ASIC2: variants seen among roughly 807,000 people sequenced by gnomAD.
The protein encoded by ASIC2 is acid-sensing ion channel 2.
ASIC2 carries 25 observed loss-of-function variants against 57.3 expected under a neutral mutation model. The ratio of observed to expected loss-of-function variants is 0.44; its 90% confidence interval spans 0.32 to 0.61. ASIC2 has a LOEUF of 0.61. Among genes scored for constraint, ASIC2 ranks in the 20% least tolerant of loss-of-function variants. The pLI, the probability that ASIC2 is intolerant of heterozygous loss-of-function variation, is 0.06. For synonymous variants in ASIC2, 319 were observed against 307.5 expected (o/e 1.04, Z -0.39); for missense variants, 641 against 738.1 (o/e 0.87, Z 1.52).
intron 1 of ASIC2, among the ~76,000 whole-genome samples, chr17:33,704,392 A>C (rs1219079889): frequency 6.6e-6 from 1 of 152,106 alleles, no homozygotes; most frequent in African/African-American, 2.4e-5. Context: ...CCACCTCCTT[A>C]TGAATAATCA....
intron 1 of ASIC2, 32 bp from the exon 2 acceptor site, chr17:33,112,099 C>T (rs1157645058): frequency 1.3e-6 from 2 of 1,589,142 alleles, no homozygotes; most frequent in Middle Eastern, 1.7e-4. Context: ...GAGAGAGAAG[C>T]ACATGGGTAA....
chr17:33,880,144 G>A (rs1230924793), intron 1 of ASIC2, among the ~76,000 whole-genome samples: 10 of 152,242 alleles, frequency 6.6e-5, no homozygotes, highest in Non-Finnish European at 1.3e-4. Flanking sequence ...ATGCCCACAA[G>A]AGAAAGCAGG....
rs1567792727 is a variant in ASIC2 at position 33,232,446 on chromosome 17, A to ATGGAATGGT, written c.708+58961_708+58962insACCATTCCA. Among the ~76,000 whole-genome samples, 171 of 127,998 alleles carry ATGGAATGGT rather than the reference A, an allele frequency of 1.3e-3. 1 individual carries two copies. Among genetic ancestry groups the ATGGAATGGT allele is most frequent in the African/African-American group, 4.6e-3 (145 of 31,306 alleles). 84.0% of individuals were successfully genotyped at this position (127,998 alleles called of 152,430 possible). On this transcript the variant is annotated intron_variant, in intron 1 of 9. Transcript: ENST00000225823. ...TATGGTATGGTATGGTATGGTATGG[A>ATGGAATGGT]ATGGTATGGTATGGTATGGTATGGT...
chr17:34,000,250 ATT>A (rs199804905), intron 1 of ASIC2, among the ~76,000 whole-genome samples: 19 of 119,164 alleles, frequency 1.6e-4, no homozygotes, highest in Admixed American at 2.6e-4. Flanking sequence ...GTGGAGATCT[ATT>A]TTTTTTTTTT....
intron 3 of ASIC2, among the ~76,000 whole-genome samples, chr17:33,042,701 A>G (rs1233489688): frequency 6.6e-6 from 1 of 152,208 alleles, no homozygotes; most frequent in Non-Finnish European, 1.5e-5. Context: ...CCAGCAGATC[A>G]TACTTTTTGC....
At chr17:33,638,876 C>T (rs1015628162) in intron 1 of ASIC2, among the ~76,000 whole-genome samples, 10 of 152,012 alleles carry the variant, frequency 6.6e-5, no homozygotes, top group African/African-American at 1.9e-4. Context: ...GGGCACTTCC[C>T]GGCTTCCTTG....
chr17:33,450,009 C>T (rs888921713), intron 1 of ASIC2, among the ~76,000 whole-genome samples: 3 of 152,156 alleles, frequency 2.0e-5, no homozygotes, highest in African/African-American at 7.2e-5. Context: ...CTCAAGTGAT[C>T]CTCCTGCCTC....
chr17:33,159,503 C>T (rs148825141), intron 1 of ASIC2, among the ~76,000 whole-genome samples: 1,675 of 152,170 alleles, frequency 0.011, 21 homozygotes, highest in Non-Finnish European at 0.015. Flanking sequence ...ACTGAGGCTC[C>T]GAGAAGTAAA....
At chr17:33,210,504 A>AGCTAGAATGCCTGAGACTGT (rs1245152308) in intron 1 of ASIC2, among the ~76,000 whole-genome samples, 4 of 152,164 alleles carry the variant, frequency 2.6e-5, no homozygotes, top group African/African-American at 4.8e-5. Flanking sequence ...TGCCAGGCTG[A>AGCTAGAATGCCTGAGACTGT]GCTAGAATGC....
chr17:33,461,933 A>G (rs1414816855), intron 1 of ASIC2, among the ~76,000 whole-genome samples: 2 of 152,232 alleles, frequency 1.3e-5, no homozygotes, highest in Non-Finnish European at 2.9e-5. Context: ...CATTCATCTA[A>G]CAAAACTTTA....
intron 1 of ASIC2, among the ~76,000 whole-genome samples, chr17:34,036,123 A>G (rs1029916017): frequency 4.6e-5 from 7 of 152,154 alleles, no homozygotes; most frequent in African/African-American, 1.7e-4. Context: ...GAACCAACCT[A>G]AATGTCCAAC....
chr17:34,146,010 A>G (rs1045359440), intron 1 of ASIC2, among the ~76,000 whole-genome samples: 2 of 152,206 alleles, frequency 1.3e-5, no homozygotes, highest in Non-Finnish European at 2.9e-5. Flanking sequence ...GTGCTGATAA[A>G]AGTGTATGCT....
chr17:33,037,593 G>A (rs766748886), intron 3 of ASIC2, among the ~76,000 whole-genome samples: 1 of 152,098 alleles, frequency 6.6e-6, no homozygotes, highest in Non-Finnish European at 1.5e-5. Flanking sequence ...ATCCGGGTAA[G>A]CAAAGACTCA....
chr17:33,161,373 C>A (rs1905155106), intron 1 of ASIC2, among the ~76,000 whole-genome samples: 1 of 152,208 alleles, frequency 6.6e-6, no homozygotes, highest in Non-Finnish European at 1.5e-5. Flanking sequence ...GCTCTTCCTG[C>A]TTCTTCTCCC....
intron 1 of ASIC2, among the ~76,000 whole-genome samples, chr17:34,087,654 C>T (rs9674629): frequency 0.86 from 119,491 of 138,506 alleles, 51,435 homozygotes; most frequent in African/African-American, 0.95. Flanking sequence ...TGGTTCCATT[C>T]TCCCCGTCAC....
chr17:33,681,854 C>A lies in ASIC2; in HGVS notation c.555+474124G>T, dbSNP rs1030214931. ...TACTAGAACATAAGATCCTTGAGGG[C>A]AGGAGACACACTCATGCTGACATCT... On this transcript the variant is annotated intron_variant, in intron 1 of 9. Transcript: ENST00000359872. 3.4e-4 allele frequency among the ~76,000 whole-genome samples: 51 copies of A among 152,190 alleles called. 1 individual carries two copies. Among genetic ancestry groups the A allele is most frequent in the Admixed American group, 3.2e-3 (49 of 15,288 alleles).
intron 1 of ASIC2, among the ~76,000 whole-genome samples, chr17:33,370,835 G>A (rs1470825643): frequency 6.6e-6 from 1 of 152,164 alleles, no homozygotes; most frequent in African/African-American, 2.4e-5. Flanking sequence ...AAGGGGTCCC[G>A]ATCCAGACCC....
intron 1 of ASIC2, among the ~76,000 whole-genome samples, chr17:33,418,806 C>T (rs910960276): frequency 6.6e-6 from 1 of 152,094 alleles, no homozygotes; most frequent in Non-Finnish European, 1.5e-5. Flanking sequence ...TTTGCAGGGA[C>T]CCGGATGAAG....
intron 1 of ASIC2, among the ~76,000 whole-genome samples, chr17:33,418,006 C>G (rs1452097322): frequency 6.6e-6 from 1 of 150,426 alleles, no homozygotes; most frequent in African/African-American, 2.5e-5. Flanking sequence ...AGAGGCCCCA[C>G]TCTGGCTCTC....
Sources: gnomAD v4.1 joint callset for allele counts (sites outside exome capture counted in the v4.1 genomes callset) on GRCh38, gnomAD v4.1.1 for gene constraint, MANE v1.5 for transcripts, NCBI Gene and HGNC (gene_info 2026-07-23, HGNC 2026-07-21) for gene names.